Variants in STXBP4 observed in about 807,000 individuals in gnomAD.
The protein encoded by STXBP4 is syntaxin binding protein 4.
In STXBP4, 55 loss-of-function variants were observed where a neutral mutation model predicts 76.1. That is an observed-to-expected ratio of 0.72 (90% CI 0.58 to 0.91). STXBP4 has a LOEUF of 0.91. STXBP4 is among the 40% of genes least tolerant of loss of function. STXBP4 has a pLI of 0.00. For missense variants in STXBP4, 618 were observed against 636.9 expected, an observed-to-expected ratio of 0.97 and a Z score of 0.32; for synonymous variants, 201 against 220.2, an observed-to-expected ratio of 0.91 and a Z score of 0.77.
chr17:55,129,055 G>T (rs1451495915), intron 16 of STXBP4, among the ~76,000 whole-genome samples: 1 of 149,106 alleles, frequency 6.7e-6, no homozygotes, highest in Non-Finnish European at 1.5e-5. Flanking sequence ...TCAGCCTCCT[G>T]AGTAGCTGGG....
chr17:55,213,210 G>A, the STXBP4 span, among the ~76,000 whole-genome samples: 1 of 152,048 alleles, frequency 6.6e-6, no homozygotes, highest in Non-Finnish European at 1.5e-5. Flanking sequence ...GGGCTATCTG[G>A]CAGCACAAGA....
At chr17:55,206,857 G>GTAAAAA in the STXBP4 span, among the ~76,000 whole-genome samples, 1 of 103,164 alleles carries the variant, frequency 9.7e-6, no homozygotes, top group Non-Finnish European at 2.0e-5. Flanking sequence ...CTCCGTCTCA[G>GTAAAAA]AAAAAAAAAA....
intron 4 of STXBP4, among the ~76,000 whole-genome samples, chr17:54,995,617 A>G (rs1430826937): frequency 6.6e-6 from 1 of 152,184 alleles, no homozygotes; most frequent in Non-Finnish European, 1.5e-5. Context: ...GTGGCATTGA[A>G]GTAGGACATA....
intron 12 of STXBP4, among the ~76,000 whole-genome samples, chr17:55,055,810 G>A (rs60002508): frequency 0.067 from 10,194 of 152,216 alleles, 1,163 homozygotes; most frequent in African/African-American, 0.23. Flanking sequence ...ACTGTGTGTG[G>A]AGGAGTTTCT....
intron 12 of STXBP4, among the ~76,000 whole-genome samples, chr17:55,047,598 C>T (rs1293981427): frequency 1.3e-5 from 2 of 151,722 alleles, no homozygotes; most frequent in Non-Finnish European, 1.5e-5. Context: ...TTTATTTTCA[C>T]TTTGCATTAT....
At chr17:55,211,797 T>C in the STXBP4 span, among the ~76,000 whole-genome samples, 1 of 110,902 alleles carries the variant, frequency 9.0e-6, no homozygotes, top group South Asian at 3.5e-4. Flanking sequence ...CTGTTTTTTG[T>C]TGTTTTTTTT....
rs180870738 is a variant in STXBP4 at position 54,978,957 on chromosome 17, A to T, written c.-156-6657A>T. Among the ~76,000 whole-genome samples, 675 of 152,214 alleles carry T rather than the reference A, an allele frequency of 4.4e-3. 5 individuals are homozygous for T. The highest frequency in any genetic ancestry group is 0.013 in the Admixed American group (203 of 15,286). ...TATTGTTTTACATGATTATACTGTA[A>T]ATTATTTAACCAGTTATCAATTTTT... On this transcript the variant is annotated intron_variant, in intron 1 of 17. Coordinates refer to ENST00000376352, the MANE Select transcript of STXBP4 (RefSeq NM_178509.6).
chr17:55,018,017 C>T (rs2144608734), intron 8 of STXBP4, among the ~76,000 whole-genome samples: 1 of 152,196 alleles, frequency 6.6e-6, no homozygotes, highest in African/African-American at 2.4e-5. Flanking sequence ...GTCCTTGCTC[C>T]CAGGGCTCCC....
At chr17:55,044,057 A>G (rs1163616769) in intron 11 of STXBP4, 6 of 156,556 alleles carry the variant, frequency 3.8e-5, no homozygotes, top group Non-Finnish European at 7.0e-5. Context: ...GTGTCTCACT[A>G]TTTTGTTCAG....
At chr17:55,035,653 T>C (rs554091790) in intron 10 of STXBP4, among the ~76,000 whole-genome samples, 2 of 151,938 alleles carry the variant, frequency 1.3e-5, no homozygotes. Flanking sequence ...TTAATAAAAT[T>C]AGAAATCTGA....
intron 17 of STXBP4, among the ~76,000 whole-genome samples, chr17:55,143,969 A>T (rs931926644): frequency 2.6e-5 from 4 of 151,740 alleles, no homozygotes; most frequent in African/African-American, 7.3e-5. Context: ...CAGAGCCAAG[A>T]TTCAGATCCA....
chr17:55,105,646 T>C (rs940681331), intron 16 of STXBP4, among the ~76,000 whole-genome samples: 2 of 151,506 alleles, frequency 1.3e-5, no homozygotes, highest in Non-Finnish European at 2.9e-5. Flanking sequence ...ATATTTTTTT[T>C]TTTTTGTATT....
intron 17 of STXBP4, among the ~76,000 whole-genome samples, chr17:55,154,645 G>A (rs1018172787): frequency 2.6e-5 from 4 of 151,908 alleles, no homozygotes; most frequent in African/African-American, 7.3e-5. Context: ...AATTATATTG[G>A]CTTTGTACCT....
intron 8 of STXBP4, among the ~76,000 whole-genome samples, chr17:55,028,892 G>T (rs549899081): frequency 6.6e-6 from 1 of 152,168 alleles, no homozygotes; most frequent in Admixed American, 6.5e-5. Flanking sequence ...CACTACTGGT[G>T]TGCATAAATT....
Position 55,172,555 on chromosome 17 carries a change from CTTTTATTTTTCCAAAT to C in STXBP4, c.*12647_*12662del, listed in dbSNP as rs1027516350. 2.0e-5 allele frequency: 3 copies of C among 152,162 alleles called. No individual in the cohort carries two copies. Among genetic ancestry groups the C allele is most frequent in the African/African-American group, 7.2e-5 (3 of 41,420 alleles). The allele number at this position is 152,162 out of a possible 1,614,324, so 9.4% of individuals were successfully genotyped here. ...AACTGCATAACTTCCTTTAATAATA[CTTTTATTTTTCCAAAT>C]TTGAAGACTGTCCCTAAGTCATTTC... On this transcript the variant is annotated 3_prime_UTR_variant, in exon 18 of 18. Transcript: ENST00000376352.
At chr17:55,093,963 A>G (rs984490443) in intron 16 of STXBP4, among the ~76,000 whole-genome samples, 42 of 152,160 alleles carry the variant, frequency 2.8e-4, no homozygotes. Flanking sequence ...GATGAGTGTT[A>G]TGCACATAAT....
At chr17:55,062,206 A>G (rs1035096562) in intron 12 of STXBP4, among the ~76,000 whole-genome samples, 1 of 152,020 alleles carries the variant, frequency 6.6e-6, no homozygotes, top group Non-Finnish European at 1.5e-5. Context: ...CATCATCTAC[A>G]TTAGGTATTT....
intron 3 of STXBP4, among the ~76,000 whole-genome samples, chr17:54,987,835 T>C (rs1219458631): frequency 1.3e-5 from 2 of 152,214 alleles, no homozygotes; most frequent in African/African-American, 2.4e-5. Context: ...CAAAAATGCC[T>C]CTTTTCCCAT....
intron 12 of STXBP4, among the ~76,000 whole-genome samples, chr17:55,065,064 A>G (rs1302663506): frequency 6.6e-6 from 1 of 152,164 alleles, no homozygotes; most frequent in African/African-American, 2.4e-5. Context: ...TTAAATTCTT[A>G]CATAATATAG....
Sources: allele counts gnomAD v4.1 joint callset (sites outside exome capture counted in the v4.1 genomes callset), GRCh38; gene constraint gnomAD v4.1.1; transcripts MANE v1.5; gene names NCBI Gene and HGNC (gene_info 2026-07-23, HGNC 2026-07-21).